HTR2C: variants seen among roughly 807,000 people sequenced by gnomAD.
The protein encoded by HTR2C is 5-hydroxytryptamine receptor 2C, also known as 5-hydroxytryptamine (serotonin) receptor 2C, G protein-coupled.
A neutral mutation model predicts 21.0 loss-of-function variants in HTR2C; 5 were observed. The ratio of observed to expected loss-of-function variants is 0.24; its 90% CI spans 0.12 to 0.50. The LOEUF is 0.50. HTR2C is among the 20% of genes least tolerant of loss of function. The pLI is 0.98. For synonymous variants in HTR2C, 150 were observed against 145.3 expected (o/e 1.03, Z -0.23); for missense variants, 271 against 371.2 (o/e 0.73, Z 2.22).
intron 4 of HTR2C, among the ~76,000 whole-genome samples, chrX:114,786,987 A>G (rs1556442280): frequency 9.0e-6 from 1 of 111,453 alleles, no homozygotes; most frequent in African/African-American, 3.3e-5. Flanking sequence ...CATTTTATTA[A>G]GTGGCTGTGG....
At chrX:114,782,559 A>T in intron 4 of HTR2C, among the ~76,000 whole-genome samples, 1 of 110,504 alleles carries the variant, frequency 9.0e-6, no homozygotes, top group Non-Finnish European at 1.9e-5. Context: ...TCCACAAAAA[A>T]ATTAAAAGAT....
At chrX:114,747,978 A>C (rs781994149) in intron 4 of HTR2C, among the ~76,000 whole-genome samples, 31 of 112,372 alleles carry the variant, frequency 2.8e-4, no homozygotes, top group Non-Finnish European at 5.2e-4. Flanking sequence ...GAAACTGTGA[A>C]ATAATGAATG....
At chrX:114,626,871 A>G (rs1488272496) in intron 2 of HTR2C, among the ~76,000 whole-genome samples, 1 of 112,134 alleles carries the variant, frequency 8.9e-6, no homozygotes, top group Non-Finnish European at 1.9e-5. Flanking sequence ...TTAGAGCAAG[A>G]GAAGGATAGC....
chrX:114,859,533 G>A (rs1428289835), intron 5 of HTR2C, among the ~76,000 whole-genome samples: 1 of 111,180 alleles, frequency 9.0e-6, no homozygotes, highest in African/African-American at 3.3e-5. Context: ...TCTATATAAT[G>A]TGTAGTGACT....
At chrX:114,811,456 A>G (rs1273710750) in intron 4 of HTR2C, among the ~76,000 whole-genome samples, 1 of 112,409 alleles carries the variant, frequency 8.9e-6, no homozygotes, top group Non-Finnish European at 1.9e-5. Context: ...AAGAACATAT[A>G]GATGTCACAT....
At chrX:114,809,392 GT>G (rs34708650) in intron 4 of HTR2C, among the ~76,000 whole-genome samples, 56 of 99,060 alleles carry the variant, frequency 5.7e-4, no homozygotes, top group African/African-American at 2.0e-3. Flanking sequence ...TTTTTTTGTT[GT>G]TTTTTTTTTG....
chrX:114,902,792 G>T (rs1486387958), intron 5 of HTR2C, among the ~76,000 whole-genome samples: 1 of 110,550 alleles, frequency 9.0e-6, no homozygotes, highest in East Asian at 2.9e-4. Flanking sequence ...TGTATTTTTA[G>T]TAGAGACTGG....
chrX:114,638,060 A>G (rs1005249829), intron 2 of HTR2C, among the ~76,000 whole-genome samples: 1 of 111,236 alleles, frequency 9.0e-6, no homozygotes, highest in Admixed American at 9.7e-5. Flanking sequence ...TTGCCTAACT[A>G]CTAGGCAACT....
At chrX:114,761,567 A>G (rs782693269) in intron 4 of HTR2C, among the ~76,000 whole-genome samples, 25 of 111,148 alleles carry the variant, frequency 2.2e-4, no homozygotes, top group African/African-American at 7.8e-4. Flanking sequence ...AAAATTTCAC[A>G]TGCGTTAACT....
chrX:114,627,237 C>T (rs1289305400), intron 2 of HTR2C, among the ~76,000 whole-genome samples: 3 of 111,122 alleles, frequency 2.7e-5, no homozygotes, highest in Non-Finnish European at 5.7e-5. Flanking sequence ...AAACCATAGA[C>T]TGATAGAAGA....
Position 114,731,296 on chromosome X carries a change from T to C in HTR2C, c.38T>C (p.Val13Ala), listed in dbSNP as rs781840760. Residue 13 changes from valine (V) to alanine (A), a missense_variant and splice_region_variant, in exon 4 of 6, where the codon GTG (valine) becomes GCG (alanine). This residue lies in a region of HTR2C where 57 missense variants were observed against 64.0 expected (regional missense o/e 0.89). Transcript: ENST00000276198. ...TTTTTTTTTTTCTTAATTTTCAGTG[T>C]GCACCTAATTGGCCTATTGGTTTGG... ...NLRNAVHSFL[V>A]HLIGLLVWQS... The C allele has an allele frequency of 8.5e-7, 1 of 1,170,203 alleles. No homozygotes were observed. The highest frequency in any genetic ancestry group is 3.0e-5 in the East Asian group (1 of 33,518).
intron 1 of HTR2C, among the ~76,000 whole-genome samples, chrX:114,601,704 T>G (rs1287878579): frequency 4.6e-5 from 5 of 108,303 alleles, no homozygotes; most frequent in Non-Finnish European, 9.5e-5. Context: ...TGGCTTGGCT[T>G]GGGCTCAGAG....
At chrX:114,677,607 A>G (rs1184246681) in intron 2 of HTR2C, among the ~76,000 whole-genome samples, 2 of 111,598 alleles carry the variant, frequency 1.8e-5, no homozygotes, top group Admixed American at 9.6e-5. Flanking sequence ...AAGGCCTTAT[A>G]TTTTGAAACA....
intron 2 of HTR2C, among the ~76,000 whole-genome samples, chrX:114,628,671 G>A (rs1348672304): frequency 1.8e-5 from 2 of 111,210 alleles, no homozygotes; most frequent in Non-Finnish European, 3.8e-5. Context: ...TAGTTGGCAA[G>A]TACGTAATTT....
At chrX:114,786,598 C>T (rs1358744314) in intron 4 of HTR2C, among the ~76,000 whole-genome samples, 3 of 111,391 alleles carry the variant, frequency 2.7e-5, no homozygotes, top group Non-Finnish European at 5.6e-5. Flanking sequence ...AACACCAAAC[C>T]TTTAGCTATT....
chrX:114,623,511 T>C, intron 2 of HTR2C, among the ~76,000 whole-genome samples: 1 of 112,239 alleles, frequency 8.9e-6, no homozygotes, highest in Admixed American at 9.5e-5. Flanking sequence ...ATAAATTTTC[T>C]CTTGAAGGAT....
rs2070600515 is a variant in HTR2C, at chrX:114,817,980, A to G, written c.350-30023A>G. 2.7e-5 allele frequency among the ~76,000 whole-genome samples: 3 copies of G among 111,989 alleles called. No individual in the cohort carries two copies. The South Asian group carries it at 1.1e-3, about 41-fold the overall frequency. ...AGCAAACTGAATCCAGCAGTATATAAGAAAGATTGAACACTGTGACAATGG... is the reference window on the plus strand; with the variant it reads ...AGCAAACTGAATCCAGCAGTATATAGGAAAGATTGAACACTGTGACAATGG... On this transcript the variant is annotated intron_variant, in intron 4 of 5. Transcript: ENST00000276198.
chrX:114,612,792 G>C (rs1256596884), intron 1 of HTR2C, among the ~76,000 whole-genome samples: 1 of 111,523 alleles, frequency 9.0e-6, no homozygotes, highest in East Asian at 2.8e-4. Flanking sequence ...GACCCCAAGA[G>C]AGGGTTCTTG....
At chrX:114,806,959 G>GTATATACCATATATACCATATA (rs1346045324) in intron 4 of HTR2C, among the ~76,000 whole-genome samples, 1 of 93,838 alleles carries the variant, frequency 1.1e-5, no homozygotes, top group Non-Finnish European at 2.1e-5. Context: ...TATACCATAT[G>GTATATACCATATATACCATATA]TATATACCAT....
Sources: gnomAD v4.1 joint callset for allele counts (sites outside exome capture counted in the v4.1 genomes callset) on GRCh38, gnomAD v4.1.1 for gene constraint, gnomAD v4.1.1 regional missense constraint, MANE v1.5 for transcripts, NCBI Gene and HGNC (gene_info 2026-07-23, HGNC 2026-07-21) for gene names.